C6orf62: variants seen among roughly 807,000 people sequenced by gnomAD.
C6orf62 encodes the protein uncharacterized protein C6orf62.
A neutral mutation model predicts 26.8 loss-of-function variants in C6orf62; 16 were observed. The observed-to-expected ratio is 0.60, with a 90% CI of 0.40 to 0.91. The LOEUF is 0.91. Ranked by LOEUF, C6orf62 falls within the 40% of genes least tolerant of loss-of-function variation. The pLI, the probability that C6orf62 is intolerant of heterozygous loss-of-function variation, is 0.00. For missense variants in C6orf62, 192 were observed against 271.4 expected (o/e 0.71, Z 2.06); for synonymous variants, 112 against 91.5 (o/e 1.22, Z -1.28).
chr6:24,709,524 T>G (rs1779079594), intron 3 of C6orf62: 1 of 979,298 alleles, frequency 1.0e-6, no homozygotes, highest in Non-Finnish European at 1.2e-6. Flanking sequence ...AAAATAAGGC[T>G]GTAACCCATT....
intron 4 of C6orf62, among the ~76,000 whole-genome samples, chr6:24,707,990 G>A (rs916636416): frequency 2.0e-5 from 3 of 149,560 alleles, no homozygotes; most frequent in East Asian, 2.1e-4. Context: ...CAGCCTGGGC[G>A]ACAGAGACTC....
chr6:24,710,035 C>T (rs1266395098), intron 3 of C6orf62: 7 of 983,110 alleles, frequency 7.1e-6, no homozygotes, highest in Non-Finnish European at 8.5e-6. Flanking sequence ...CACAATATAC[C>T]ATATGTAAAA....
intron 4 of C6orf62, 132 bp from the exon 5 acceptor site, chr6:24,706,394 T>C: frequency 7.6e-7 from 1 of 1,317,376 alleles, no homozygotes; most frequent in Non-Finnish European, 1.0e-6. Flanking sequence ...TCCCTATCCA[T>C]ATTCTAGACA....
chr6:24,708,865 T>C lies in C6orf62; in HGVS notation c.476A>G (p.His159Arg). 1 of 1,614,192 alleles carries C rather than the reference T, an allele frequency of 6.2e-7. No homozygotes were observed. The highest frequency in any genetic ancestry group is 1.1e-5 in the South Asian group (1 of 91,080). ...HHGDYEKQFLHVLSRKDKTGI... is the reference protein window; with the variant it reads ...HHGDYEKQFLRVLSRKDKTGI... ...AGTCTTGTCCTTGCGGCTCAGTACA[T>C]GCAGAAACTGTTTTTCATAGTCACC... The change falls in exon 4 of 5, where the codon CAT becomes CGT. Residue 159 changes from histidine (H) to arginine (R), a missense_variant. Physicochemically the swap from His to Arg is conservative, Grantham distance 29. Coordinates refer to ENST00000378119, the MANE Select transcript of C6orf62 (RefSeq NM_030939.5).
intron 1 of C6orf62, among the ~76,000 whole-genome samples, chr6:24,717,707 T>C (rs1031560776): frequency 6.6e-6 from 1 of 152,210 alleles, no homozygotes; most frequent in Non-Finnish European, 1.5e-5. Flanking sequence ...ACACTAAGAT[T>C]GTATTTCTGA....
At chr6:24,720,130 G>A, upstream of C6orf62, 2 of 1,392,848 alleles carry the variant, frequency 1.4e-6, no homozygotes, top group Non-Finnish European at 1.9e-6. Flanking sequence ...GTTTCCCGAG[G>A]GGCAGGGGGT....
At chr6:24,713,231 G>C (rs1779156161) in intron 3 of C6orf62, among the ~76,000 whole-genome samples, 1 of 152,160 alleles carries the variant, frequency 6.6e-6, no homozygotes, top group Admixed American at 6.5e-5. Flanking sequence ...TCACATCATG[G>C]TAAAGTTGAA....
intron 3 of C6orf62, chr6:24,710,400 G>T: frequency 2.6e-6 from 1 of 378,034 alleles, no homozygotes; most frequent in Non-Finnish European, 3.6e-6. Context: ...CAAGTAGCTG[G>T]AATACAGGCA....
At chr6:24,717,520 G>C (rs531429085) in intron 1 of C6orf62, among the ~76,000 whole-genome samples, 1 of 152,348 alleles carries the variant, frequency 6.6e-6, no homozygotes, top group East Asian at 1.9e-4. Context: ...GGGGCTGTGC[G>C]TGGCAGCTCC....
rs758385780 is a variant in C6orf62, at chr6:24,705,481, T to TA, written c.*655dup. The TA allele has an allele frequency of 6.6e-6, 1 of 152,642 alleles. No individual in the cohort carries two copies. The highest frequency in any genetic ancestry group is 2.4e-5 in the African/African-American group (1 of 41,456). The allele number at this position is 152,642 out of a possible 1,614,324, so 9.5% of individuals were successfully genotyped here. ...GCATCCACACGCAGCAGAATACTCTTACAATAGCAACTTGGGGAAAGAGAT... is the reference window on the plus strand; with the variant it reads ...GCATCCACACGCAGCAGAATACTCTTAACAATAGCAACTTGGGGAAAGAGAT... On this transcript the variant is annotated 3_prime_UTR_variant, in exon 5 of 5. Transcript: ENST00000378119.
At chr6:24,720,069 G>A (rs1249438338), upstream of C6orf62, 2 of 1,301,592 alleles carry the variant, frequency 1.5e-6, no homozygotes, top group Non-Finnish European at 2.0e-6. Flanking sequence ...CTCTCACGTT[G>A]AACAGACCAT....
At chr6:24,710,034 C>T in intron 3 of C6orf62, 2 of 982,752 alleles carry the variant, frequency 2.0e-6, no homozygotes, top group Non-Finnish European at 2.4e-6. Context: ...TCACAATATA[C>T]CATATGTAAA....
chr6:24,720,426 C>A, upstream of C6orf62: 1 of 1,123,920 alleles, frequency 8.9e-7, no homozygotes, highest in Non-Finnish European at 1.1e-6. Context: ...GCTCAGCCCC[C>A]ACCTGGGACC....
At chr6:24,713,306 A>G (rs909549760) in intron 3 of C6orf62, among the ~76,000 whole-genome samples, 6 of 152,220 alleles carry the variant, frequency 3.9e-5, no homozygotes, top group African/African-American at 9.7e-5. Context: ...TATGTATGTA[A>G]CCAATGGATT....
At chr6:24,715,947 T>C (rs1464642336) in intron 2 of C6orf62, among the ~76,000 whole-genome samples, 2 of 150,848 alleles carry the variant, frequency 1.3e-5, no homozygotes, top group Non-Finnish European at 2.9e-5. Flanking sequence ...TGGTCTGGCG[T>C]AAAAAAACGT....
intron 4 of C6orf62, among the ~76,000 whole-genome samples, chr6:24,708,204 A>G (rs1358972700): frequency 2.0e-5 from 3 of 151,586 alleles, no homozygotes; most frequent in Admixed American, 6.6e-5. Flanking sequence ...ACTACTGTTC[A>G]CTAGAATCAT....
intron 3 of C6orf62, among the ~76,000 whole-genome samples, chr6:24,712,136 C>A (rs1779131573): frequency 6.6e-6 from 1 of 151,880 alleles, no homozygotes; most frequent in South Asian, 2.1e-4. Flanking sequence ...CGTAATCCCA[C>A]CACTTTGGGA....
intron 4 of C6orf62, among the ~76,000 whole-genome samples, chr6:24,707,693 G>A (rs1779035884): frequency 6.6e-6 from 1 of 151,992 alleles, no homozygotes; most frequent in South Asian, 2.1e-4. Context: ...TTAAATATAT[G>A]TCCCTCATCC....
At chr6:24,720,012 A>AGGGGGGC, upstream of C6orf62, 59 of 1,462,702 alleles carry the variant, frequency 4.0e-5, no homozygotes, top group Non-Finnish European at 5.0e-5. Context: ...TTCTAAAGTA[A>AGGGGGGC]GCCCACCCAC....
Sources: allele counts gnomAD v4.1 joint callset (sites outside exome capture counted in the v4.1 genomes callset), GRCh38; gene constraint gnomAD v4.1.1; transcripts MANE v1.5; gene names NCBI Gene and HGNC (gene_info 2026-07-23, HGNC 2026-07-21).